The following PRKAB2 variants were observed in gnomAD, a reference collection of about 807,000 sequenced individuals.
PRKAB2 encodes the protein 5'-AMP-activated protein kinase subunit beta-2.
Under a neutral mutation model 29.8 loss-of-function variants are expected in PRKAB2, and 18 were observed. The observed-to-expected ratio is 0.60, with a 90% CI of 0.42 to 0.89. The LOEUF is 0.89. PRKAB2 is among the 40% of genes least tolerant of loss of function. The pLI, the probability that PRKAB2 is intolerant of heterozygous loss-of-function variation, is 0.00. For synonymous variants in PRKAB2, 136 were observed against 125.9 expected (o/e 1.08, Z -0.54); for missense variants, 270 against 344.3 (o/e 0.78, Z 1.71).
chr1:147,172,016 G>C lies in PRKAB2; in HGVS notation c.129C>G (p.Pro43=). 6.3e-7 allele frequency: 1 copy of C among 1,599,766 alleles called. No individual in the cohort carries two copies. Among genetic ancestry groups the C allele is most frequent in the East Asian group, 2.3e-5 (1 of 43,808 alleles). The part of the protein sequence containing the change: ...HKIMVGSTDD[P]SVFSLPDSKL... ...TGGAGTCAGGGAGGCTGAACACGCT[G>C]GGGTCGTCCGTACTCCCCACCATGA... Residue 43 remains proline, a synonymous_variant, in exon 2 of 8, where the codon CCC becomes CCG. Coordinates refer to ENST00000254101, the MANE Select transcript of PRKAB2 (RefSeq NM_005399.5).
Position 147,159,490 on chromosome 1 carries a change from CAGGTA to C in PRKAB2, c.*70_*74del. ...TCAAAGCAAATCAGCCTTCCAGTCTCAGGTAAGACTGGTTCAGTCCAGAAATGCAA... is the reference window on the plus strand; with the variant it reads ...TCAAAGCAAATCAGCCTTCCAGTCTCAGACTGGTTCAGTCCAGAAATGCAA... On this transcript the variant is annotated 3_prime_UTR_variant, in exon 8 of 8. Coordinates refer to ENST00000254101, the MANE Select transcript of PRKAB2 (RefSeq NM_005399.5). 1 of 1,317,650 alleles carries C rather than the reference CAGGTA, an allele frequency of 7.6e-7. No individual in the cohort carries two copies. The allele number at this position is 1,317,650 out of a possible 1,614,324, so 81.6% of individuals were successfully genotyped here.
Position 147,166,653 on chromosome 1 carries a change from TC to T in PRKAB2, c.418-36del, listed in dbSNP as rs1654266462. The T allele has an allele frequency of 3.7e-6, 6 of 1,606,500 alleles. No individual in the cohort carries two copies. In the East Asian group the frequency reaches 1.3e-4, roughly 36 times the overall value. ...TGAATAGAAAAAATTATTGAATCTC[TC>T]TTTCAAATCCATCTCTTCCATCCAA... On this transcript the variant is annotated intron_variant, in intron 4 of 7. Transcript: ENST00000254101.
intron 7 of PRKAB2, among the ~76,000 whole-genome samples, chr1:147,161,394 T>C (rs966292993): frequency 6.6e-6 from 1 of 151,504 alleles, no homozygotes; most frequent in African/African-American, 2.4e-5. Context: ...AAGCTAAACC[T>C]GCTTTTTCTG....
At chr1:147,162,661 T>C (rs1553913225) in intron 5 of PRKAB2, 88 bp from the exon 6 acceptor site, 29 of 1,313,876 alleles carry the variant, frequency 2.2e-5, no homozygotes. Context: ...CAGCTAACAT[T>C]AAATATGGTA....
At chr1:147,172,194 G>C in intron 1 of PRKAB2, 27 bp from the exon 2 acceptor site, 1 of 1,499,458 alleles carries the variant, frequency 6.7e-7, no homozygotes, top group Non-Finnish European at 8.9e-7. Flanking sequence ...CACCGGGCTG[G>C]GAACACCTCA....
intron 6 of PRKAB2, 131 bp downstream of exon 6, chr1:147,162,309 T>C (rs1654010535): frequency 4.5e-6 from 4 of 885,982 alleles, no homozygotes; most frequent in Non-Finnish European, 6.5e-6. Context: ...AAATCTGTAA[T>C]GTTATTGGTA....
chr1:147,168,817 TGAGA>T (rs1200631964), intron 2 of PRKAB2, among the ~76,000 whole-genome samples: 2 of 152,200 alleles, frequency 1.3e-5, no homozygotes, highest in Admixed American at 6.5e-5. Flanking sequence ...ATTGATTGAT[TGAGA>T]AAGGACCTTG....
intron 7 of PRKAB2, 122 bp from the exon 8 acceptor site, chr1:147,159,764 G>T: frequency 1.2e-6 from 1 of 847,566 alleles, no homozygotes; most frequent in Non-Finnish European, 1.9e-6. Flanking sequence ...AAGAGCAGGA[G>T]GTCAAATAAG....
rs1654262960 is a variant in PRKAB2, at chr1:147,166,586, G to A, written c.450C>T (p.Asn150=). The change falls in exon 5 of 8, where the codon AAC becomes AAT. Residue 150 remains asparagine (N), a synonymous_variant. Transcript: ENST00000254101. ...PVVTSQLGTI[N]NLIHVKKSDF... ...CAGATTTCTTGACATGGATCAAATT[G>A]TTAATTGTGCCAAGCTGACTGGTAA... is the stretch of plus-strand genomic sequence containing the variant. The A allele has an allele frequency of 6.2e-7, 1 of 1,614,080 alleles. No homozygotes were observed. Among genetic ancestry groups the A allele is most frequent in the Admixed American group, 1.7e-5 (1 of 59,996 alleles).
intron 5 of PRKAB2, among the ~76,000 whole-genome samples, chr1:147,163,154 A>T (rs1553913274): frequency 3.3e-5 from 5 of 152,190 alleles, no homozygotes; most frequent in Non-Finnish European, 7.3e-5. Context: ...TTTCATACTC[A>T]CTAGGACAGC....
intron 2 of PRKAB2, among the ~76,000 whole-genome samples, chr1:147,168,987 A>G (rs1272621586): frequency 4.6e-5 from 7 of 152,208 alleles, no homozygotes; most frequent in African/African-American, 1.7e-4. Flanking sequence ...TATATTGTCT[A>G]TAGCTGCTTA....
intron 2 of PRKAB2, among the ~76,000 whole-genome samples, chr1:147,168,394 TA>T (rs1654356624): frequency 6.6e-6 from 1 of 152,220 alleles, no homozygotes; most frequent in Non-Finnish European, 1.5e-5. Context: ...TTACCAGTTG[TA>T]ATGGAAGTCA....
rs1571064992 is a variant in PRKAB2 at position 147,167,930 on chromosome 1, G to C, written c.160C>G (p.Pro54Ala). 6.2e-7 allele frequency: 1 copy of C among 1,610,842 alleles called. No homozygotes were observed. Among genetic ancestry groups the C allele is most frequent in the Non-Finnish European group, 8.5e-7 (1 of 1,178,638 alleles). ...SVFSLPDSKL[P>A]GDKEFVSWQQ... ...CATGATACAAACTCTTTGTCCCCAG[G>C]GAGCTGTAAGAAGGAGTAGGTCATC... Residue 54 changes from proline (P) to alanine (A), a missense_variant, in exon 3 of 8, where the codon CCT (proline) becomes GCT (alanine). By Grantham distance (27) the Pro-to-Ala change is conservative. Coordinates refer to ENST00000254101, the MANE Select transcript of PRKAB2 (RefSeq NM_005399.5).
intron 5 of PRKAB2, 114 bp downstream of exon 5, chr1:147,166,384 C>T (rs1170240337): frequency 1.7e-6 from 2 of 1,156,952 alleles, no homozygotes; most frequent in Non-Finnish European, 2.4e-6. Flanking sequence ...TCTCTCTCCT[C>T]CCCCCAACCC....
At chr1:147,171,947 C>T (rs1553914453) in intron 2 of PRKAB2, 42 bp downstream of exon 2, 5 of 1,577,826 alleles carry the variant, frequency 3.2e-6, no homozygotes, top group Non-Finnish European at 4.3e-6. Flanking sequence ...AGAAATCAAC[C>T]CGCTGCAGTA....
At position 147,170,238 on chromosome 1, in the gene PRKAB2, A is replaced by C. The variant is rs1354007825; in HGVS notation, c.156+1751T>G. On this transcript the variant is annotated intron_variant, in intron 2 of 7. Coordinates refer to ENST00000254101, the MANE Select transcript of PRKAB2 (RefSeq NM_005399.5). ...CTTAGGAATTATCTGATTTTCAGAC[A>C]ATCTGAAAATTATATGAATAATTTT... Among the ~76,000 whole-genome samples the C allele has an allele frequency of 2.0e-5, 3 of 152,324 alleles. No homozygotes were observed. In the East Asian group the frequency reaches 5.8e-4, roughly 29 times the overall value.
chr1:147,172,100 G>A lies in PRKAB2; in HGVS notation c.45C>T (p.Gly15=). Residue 15 remains glycine, a synonymous_variant, in exon 2 of 8, where the codon GGC becomes GGT. Transcript: ENST00000254101. The part of the protein sequence containing the change: ...TSDRVSGERH[G]AKAARSEGAG... Reference sequence around the variant, plus strand: ...CGCCCTCGGAGCGTGCAGCCTTGGCGCCGTGGCGCTCCCCGGACACCCGGT... The same window carrying A: ...CGCCCTCGGAGCGTGCAGCCTTGGCACCGTGGCGCTCCCCGGACACCCGGT... 6.4e-7 allele frequency: 1 copy of A among 1,559,150 alleles called. No individual in the cohort carries two copies. The highest frequency in any genetic ancestry group is 8.7e-7 in the Non-Finnish European group (1 of 1,152,510).
chr1:147,167,017 G>T, intron 3 of PRKAB2, 78 bp from the exon 4 acceptor site: 2 of 1,175,874 alleles, frequency 1.7e-6, no homozygotes, highest in Non-Finnish European at 2.5e-6. Context: ...GGCAATCATA[G>T]TATCATATGA....
Position 147,170,931 on chromosome 1 carries a change from A to C in PRKAB2, c.156+1058T>G, listed in dbSNP as rs587646963. Among the ~76,000 whole-genome samples, 6 of 152,352 alleles carry C rather than the reference A, an allele frequency of 3.9e-5. No homozygotes were observed. The South Asian group carries it at 1.2e-3, about 32-fold the overall frequency. On this transcript the variant is annotated intron_variant, in intron 2 of 7. Transcript: ENST00000254101. ...CAAAGAAATAAATCATGGAATCCAA[A>C]TTCCATGTGCTACCAATATGGCAAA...
Sources: gnomAD v4.1 joint callset for allele counts (sites outside exome capture counted in the v4.1 genomes callset) on GRCh38, gnomAD v4.1.1 for gene constraint, MANE v1.5 for transcripts, NCBI Gene and HGNC (gene_info 2026-07-23, HGNC 2026-07-21) for gene names.